Variants in TCEA3 observed in about 807,000 individuals in gnomAD.
TCEA3 encodes transcription elongation factor A protein 3.
A neutral mutation model predicts 44.0 loss-of-function variants in TCEA3; 36 were observed. The ratio of observed to expected loss-of-function variants is 0.82; its 90% CI spans 0.63 to 1.08. TCEA3 has a LOEUF of 1.08. Among genes scored for constraint, TCEA3 ranks in the 50% least tolerant of loss-of-function variants. The pLI is 0.00. For synonymous variants in TCEA3, 162 were observed against 159.7 expected (o/e 1.01, Z -0.11); for missense variants, 392 against 441.2 (o/e 0.89, Z 1.00).
intron 5 of TCEA3, among the ~76,000 whole-genome samples, chr1:23,408,114 A>G (rs1639598782): frequency 6.6e-6 from 1 of 151,998 alleles, no homozygotes; most frequent in Non-Finnish European, 1.5e-5. Context: ...GGTGCCCACC[A>G]CCATGCCTGG....
chr1:23,397,533 G>C lies in TCEA3; in HGVS notation c.664+12C>G. 6.2e-7 allele frequency: 1 copy of C among 1,613,458 alleles called. No individual in the cohort carries two copies. ...TGCAGACACCCACAGCCCCGGCACA[G>C]TTCAAGGATATGATCTTCGATTTCT... On this transcript the variant is annotated intron_variant, in intron 7 of 10. Coordinates refer to ENST00000450454, the MANE Select transcript of TCEA3 (RefSeq NM_003196.3).
intron 6 of TCEA3, 64 bp from the exon 7 acceptor site, chr1:23,397,665 T>A: frequency 1.2e-6 from 2 of 1,604,202 alleles, no homozygotes; most frequent in Non-Finnish European, 1.7e-6. Context: ...AGCCTGCTTG[T>A]ACCTGGGACT....
intron 1 of TCEA3, among the ~76,000 whole-genome samples, chr1:23,420,795 G>C (rs376598416): frequency 6.6e-6 from 1 of 152,298 alleles, no homozygotes; most frequent in Admixed American, 6.5e-5. Flanking sequence ...GCAGAAAAAG[G>C]CTTAGGTTTG....
Position 23,417,946 on chromosome 1 carries a change from ACACCACC to A in TCEA3, c.189_195del (p.Glu63AspfsTer15), listed in dbSNP as rs1639940771. On this transcript the variant is annotated frameshift_variant, in exon 3 of 11. Transcript: ENST00000450454. LOFTEE classifies it high-confidence loss of function. ...TTTTTGATAAGGACTTTGGCCAAGG[ACACCACC>A]TCCTTGTCTGAGCAGTGCTTGCGGA... The A allele has an allele frequency of 1.9e-6, 3 of 1,613,920 alleles. No homozygotes were observed. In the African/African-American group the frequency reaches 4.0e-5, roughly 22 times the overall value.
intron 5 of TCEA3, among the ~76,000 whole-genome samples, chr1:23,408,118 T>C (rs571257860): frequency 2.4e-4 from 36 of 152,026 alleles, no homozygotes; most frequent in Non-Finnish European, 4.0e-4. Flanking sequence ...CCCACCACCA[T>C]GCCTGGCTAA....
At chr1:23,405,731 A>G (rs1417708657) in intron 5 of TCEA3, among the ~76,000 whole-genome samples, 2 of 152,200 alleles carry the variant, frequency 1.3e-5, no homozygotes, top group African/African-American at 4.8e-5. Context: ...GAAAGAATGC[A>G]TTAGGGGAGG....
chr1:23,401,142 C>T (rs115886288), intron 5 of TCEA3, among the ~76,000 whole-genome samples: 1 of 152,238 alleles, frequency 6.6e-6, no homozygotes, highest in African/African-American at 2.4e-5. Flanking sequence ...TGTCCCCCAC[C>T]TCTTGCTGTT....
chr1:23,400,373 CTT>C (rs67325313), intron 5 of TCEA3, among the ~76,000 whole-genome samples: 1 of 133,488 alleles, frequency 7.5e-6, no homozygotes, highest in African/African-American at 3.1e-5. Flanking sequence ...CCACACCAGG[CTT>C]TTTTTTTTTT....
chr1:23,387,441 C>G, intron 8 of TCEA3, 22 bp from the exon 9 acceptor site: 1 of 1,574,614 alleles, frequency 6.4e-7, no homozygotes, highest in East Asian at 2.3e-5. Flanking sequence ...AGAGTCTACC[C>G]TTCAGGGCTG....
chr1:23,413,374 T>G (rs1219988059), intron 4 of TCEA3, among the ~76,000 whole-genome samples: 1 of 152,030 alleles, frequency 6.6e-6, no homozygotes, highest in African/African-American at 2.4e-5. Context: ...GTAATCCACC[T>G]GCCTCCACCT....
intron 10 of TCEA3, among the ~76,000 whole-genome samples, chr1:23,382,161 C>T (rs1638687954): frequency 6.6e-6 from 1 of 152,056 alleles, no homozygotes; most frequent in South Asian, 2.1e-4. Context: ...AGTCTCCTGC[C>T]TCAGCCTCCC....
rs377440841 is a variant in TCEA3, at chr1:23,417,386, G to A, written c.243C>T (p.Ser81=). 1 of 1,612,664 alleles carries A rather than the reference G, an allele frequency of 6.2e-7. No homozygotes were observed. Among genetic ancestry groups the A allele is most frequent in the East Asian group, 2.2e-5 (1 of 44,880 alleles). ...LIKNWKRLLD[S]PGPPKGEKGE... ...CTTTTTCTCCTTTTGGGGGTCCAGG[G>A]GAGTCTGAAAACAAAAGGGTGGCAT... Residue 81 remains serine (S), a synonymous_variant, in exon 4 of 11, where the codon TCC becomes TCT. Coordinates refer to ENST00000450454, the MANE Select transcript of TCEA3 (RefSeq NM_003196.3).
chr1:23,386,280 A>T (rs1198443), intron 9 of TCEA3, among the ~76,000 whole-genome samples: 116,894 of 151,740 alleles, frequency 0.77, 46,092 homozygotes, highest in Non-Finnish European at 0.86. Flanking sequence ...ATCATAGCTC[A>T]TTGCAGCCTC....
At chr1:23,417,864 G>A in intron 3 of TCEA3, 40 bp downstream of exon 3, 1 of 1,592,402 alleles carries the variant, frequency 6.3e-7, no homozygotes, top group Non-Finnish European at 8.6e-7. Flanking sequence ...CCAAGTGCTA[G>A]GAGAAAAACA....
At chr1:23,414,880 A>G (rs1639840692) in intron 4 of TCEA3, among the ~76,000 whole-genome samples, 1 of 152,190 alleles carries the variant, frequency 6.6e-6, no homozygotes, top group South Asian at 2.1e-4. Flanking sequence ...GTTTCAGGCC[A>G]TAATACTGAG....
At chr1:23,410,074 G>A (rs940560765) in intron 4 of TCEA3, among the ~76,000 whole-genome samples, 11 of 152,000 alleles carry the variant, frequency 7.2e-5, no homozygotes, top group African/African-American at 2.7e-4. Context: ...AGGCTGGCTG[G>A]AAGTGCTGGT....
intron 2 of TCEA3, among the ~76,000 whole-genome samples, chr1:23,418,682 G>A (rs1639967251): frequency 6.6e-6 from 1 of 152,144 alleles, no homozygotes; most frequent in African/African-American, 2.4e-5. Flanking sequence ...GCATCTGTCT[G>A]TGCTGATTTT....
chr1:23,405,038 T>C (rs902893736), intron 5 of TCEA3, among the ~76,000 whole-genome samples: 1 of 152,114 alleles, frequency 6.6e-6, no homozygotes, highest in Non-Finnish European at 1.5e-5. Context: ...CATGGCACCC[T>C]GGACCTGCAT....
At chr1:23,392,230 A>G (rs907036680) in intron 8 of TCEA3, among the ~76,000 whole-genome samples, 9 of 152,058 alleles carry the variant, frequency 5.9e-5, no homozygotes, top group African/African-American at 2.2e-4. Flanking sequence ...GAATGTACAT[A>G]CACACACTAC....
Sources: allele counts gnomAD v4.1 joint callset (sites outside exome capture counted in the v4.1 genomes callset), GRCh38; gene constraint gnomAD v4.1.1; transcripts MANE v1.5; gene names NCBI Gene and HGNC (gene_info 2026-07-23, HGNC 2026-07-21).